Variants in LTBP1 observed in about 807,000 individuals in gnomAD.
The protein encoded by LTBP1 is latent-transforming growth factor beta-binding protein 1.
A neutral mutation model predicts 207.6 loss-of-function variants in LTBP1; 129 were observed. The observed-to-expected ratio is 0.62, with a 90% CI of 0.54 to 0.72. LTBP1 has a LOEUF of 0.72. LTBP1 is among the 30% of genes least tolerant of loss of function. The pLI is 0.00. For missense variants in LTBP1, 2,281 were observed against 2,217.2 expected (o/e 1.03, Z -0.58); for synonymous variants, 963 against 833.7 (o/e 1.16, Z -2.67).
At chr2:33,024,351 AG>A (rs2075315631) in intron 3 of LTBP1, among the ~76,000 whole-genome samples, 2 of 152,174 alleles carry the variant, frequency 1.3e-5, no homozygotes, top group Non-Finnish European at 2.9e-5. Context: ...ATAGGCTGCC[AG>A]GGAAGACCCT....
At chr2:32,964,170 C>T (rs992042253) in intron 2 of LTBP1, among the ~76,000 whole-genome samples, 1 of 152,090 alleles carries the variant, frequency 6.6e-6, no homozygotes. Context: ...CTGGAAGTTG[C>T]TGGAGGAATG....
intron 5 of LTBP1, among the ~76,000 whole-genome samples, chr2:33,165,913 T>A (rs1243435948): frequency 6.6e-6 from 1 of 152,204 alleles, no homozygotes; most frequent in African/African-American, 2.4e-5. Flanking sequence ...TTTCCAGCTT[T>A]GATGGTATGG....
chr2:32,976,001 T>C (rs1449419830), intron 2 of LTBP1, among the ~76,000 whole-genome samples: 4 of 152,230 alleles, frequency 2.6e-5, no homozygotes, highest in African/African-American at 9.6e-5. Context: ...GCCAGAGTTC[T>C]TGTGCTGTTT....
chr2:33,135,526 G>C (rs1042660146), intron 5 of LTBP1, among the ~76,000 whole-genome samples: 3 of 149,084 alleles, frequency 2.0e-5, no homozygotes, highest in Non-Finnish European at 3.0e-5. Flanking sequence ...ATATAACGTG[G>C]ATTTGGGGAA....
At chr2:33,217,517 A>G in intron 7 of LTBP1, 35 bp from the exon 8 acceptor site, 1 of 1,501,514 alleles carries the variant, frequency 6.7e-7, no homozygotes, top group Non-Finnish European at 9.3e-7. Flanking sequence ...TCCTGCACTC[A>G]ATTAACCTTC....
At chr2:33,186,304 G>C (rs1277241279) in intron 5 of LTBP1, among the ~76,000 whole-genome samples, 2 of 152,032 alleles carry the variant, frequency 1.3e-5, no homozygotes, top group East Asian at 3.9e-4. Context: ...TATTTATGGG[G>C]TACAGGAGAT....
chr2:33,113,618 T>A (rs2080544463), intron 4 of LTBP1, among the ~76,000 whole-genome samples: 1 of 152,208 alleles, frequency 6.6e-6, no homozygotes, highest in Non-Finnish European at 1.5e-5. Flanking sequence ...CTAATTTGAT[T>A]CTGTATATTT....
At chr2:32,969,511 A>G (rs1411200600) in intron 2 of LTBP1, among the ~76,000 whole-genome samples, 5 of 152,130 alleles carry the variant, frequency 3.3e-5, no homozygotes, top group Admixed American at 2.0e-4. Flanking sequence ...ACTTGGAAGT[A>G]AGAACATGCA....
chr2:33,294,665 G>A (rs111673522), intron 20 of LTBP1, among the ~76,000 whole-genome samples: 2 of 142,746 alleles, frequency 1.4e-5, no homozygotes, highest in Non-Finnish European at 3.0e-5. Context: ...TGCAACCTCC[G>A]CCTCCCAGGT....
intron 9 of LTBP1, among the ~76,000 whole-genome samples, chr2:33,241,638 C>A (rs771342019): frequency 2.0e-5 from 3 of 152,092 alleles, no homozygotes; most frequent in Non-Finnish European, 2.9e-5. Context: ...GGAATACAGG[C>A]CATTCAGGGG....
intron 3 of LTBP1, among the ~76,000 whole-genome samples, chr2:33,086,206 G>C (rs1242008229): frequency 6.6e-6 from 1 of 152,242 alleles, no homozygotes; most frequent in Non-Finnish European, 1.5e-5. Context: ...GTACAGATCA[G>C]CTCCTGAGTG....
At chr2:33,228,414 G>T (rs866353454) in intron 9 of LTBP1, among the ~76,000 whole-genome samples, 5 of 152,192 alleles carry the variant, frequency 3.3e-5, no homozygotes, top group Admixed American at 2.0e-4. Context: ...AGTCATTTGT[G>T]CAGCATATTG....
At chr2:33,070,554 A>G (rs778282891) in intron 3 of LTBP1, among the ~76,000 whole-genome samples, 34 of 152,238 alleles carry the variant, frequency 2.2e-4, no homozygotes, top group Non-Finnish European at 3.8e-4. Flanking sequence ...ATTTTGTGCC[A>G]AGAGAATGCC....
chr2:33,162,237 A>C (rs765355736), intron 5 of LTBP1, among the ~76,000 whole-genome samples: 1 of 152,238 alleles, frequency 6.6e-6, no homozygotes, highest in Non-Finnish European at 1.5e-5. Flanking sequence ...GTATTTGTTC[A>C]TATGTATGTG....
At chr2:33,254,872 T>G (rs1442528329) in intron 11 of LTBP1, among the ~76,000 whole-genome samples, 182 of 123,312 alleles carry the variant, frequency 1.5e-3, no homozygotes, top group Non-Finnish European at 2.4e-3. Context: ...TTTTTTTTTT[T>G]TTTTTTTTTT....
At chr2:33,263,179 A>G in intron 14 of LTBP1, 115 bp from the exon 15 acceptor site, 1 of 699,458 alleles carries the variant, frequency 1.4e-6, no homozygotes, top group Non-Finnish European at 2.6e-6. Context: ...AGTTCTTTAT[A>G]TCTGACAAAT....
At chr2:33,228,370 A>G (rs1042548336) in intron 9 of LTBP1, among the ~76,000 whole-genome samples, 6 of 152,168 alleles carry the variant, frequency 3.9e-5, no homozygotes, top group Non-Finnish European at 8.8e-5. Flanking sequence ...ATTATACCCC[A>G]TTTTACAGGA....
At chr2:33,142,306 C>T (rs1181012839) in intron 5 of LTBP1, among the ~76,000 whole-genome samples, 2 of 152,152 alleles carry the variant, frequency 1.3e-5, no homozygotes, top group Non-Finnish European at 1.5e-5. Flanking sequence ...CCGCCCGCCT[C>T]GGCCTCCCAA....
At chr2:33,015,996 C>T (rs1688325147) in intron 2 of LTBP1, among the ~76,000 whole-genome samples, 1 of 152,094 alleles carries the variant, frequency 6.6e-6, no homozygotes, top group African/African-American at 2.4e-5. Flanking sequence ...CCCACCAGGC[C>T]CCACCTCCAA....
Sources: gnomAD v4.1 joint callset for allele counts (sites outside exome capture counted in the v4.1 genomes callset) on GRCh38, gnomAD v4.1.1 for gene constraint, MANE v1.5 for transcripts, NCBI Gene and HGNC (gene_info 2026-07-23, HGNC 2026-07-21) for gene names.